Variants in AKAP13 observed in about 807,000 individuals in gnomAD.
The protein encoded by AKAP13 is A-kinase anchor protein 13.
Under a neutral mutation model 264.5 loss-of-function variants are expected in AKAP13, and 80 were observed. That is an observed-to-expected ratio of 0.30 (90% confidence interval 0.25 to 0.36). AKAP13 has a LOEUF of 0.36. Among genes scored for constraint, AKAP13 ranks in the 10% least tolerant of loss-of-function variants. AKAP13 has a pLI of 1.00. For synonymous variants in AKAP13, 1,380 were observed against 1,250.2 expected, an observed-to-expected ratio of 1.10 and a Z score of -2.19; for missense variants, 3,712 against 3,435.2, an observed-to-expected ratio of 1.08 and a Z score of -2.01.
intron 2 of AKAP13, among the ~76,000 whole-genome samples, chr15:85,510,102 A>G (rs2076370332): frequency 6.6e-6 from 1 of 152,158 alleles, no homozygotes; most frequent in Admixed American, 6.6e-5. Flanking sequence ...TTCTCTTACT[A>G]TGCTTTTGAT....
intron 8 of AKAP13, among the ~76,000 whole-genome samples, chr15:85,612,560 C>G (rs995043652): frequency 6.6e-6 from 1 of 152,092 alleles, no homozygotes; most frequent in Non-Finnish European, 1.5e-5. Context: ...GTGGCTCACA[C>G]CTGTAAATCC....
rs1378232088 is a variant in AKAP13 at position 85,718,815 on chromosome 15, G to A, written c.6002-261G>A. On this transcript the variant is annotated intron_variant, in intron 22 of 36. Coordinates refer to ENST00000394518, the MANE Select transcript of AKAP13 (RefSeq NM_007200.5). The surrounding 1 kb of genome is among the most constrained non-coding windows in gnomAD (Gnocchi z 4.9). ...CTCGAGAGGCTAAAGCAGAAAGATCGCTTGAGCCCAGGAGGTTGAGGCTGC... is the reference window on the plus strand; with the variant it reads ...CTCGAGAGGCTAAAGCAGAAAGATCACTTGAGCCCAGGAGGTTGAGGCTGC... 7.3e-6 allele frequency: 3 copies of A among 412,120 alleles called. No homozygotes were observed. The highest frequency in any genetic ancestry group is 5.0e-5 in the East Asian group (1 of 19,952). 25.5% of individuals were successfully genotyped at this position (412,120 alleles called of 1,614,324 possible). A position where few individuals can be genotyped will look rare whatever the true frequency, so the allele number is the denominator to read the frequency against.
chr15:85,717,547 G>C (rs753775947), intron 21 of AKAP13, 145 bp downstream of exon 21: 5 of 661,358 alleles, frequency 7.6e-6, no homozygotes, highest in Non-Finnish European at 1.3e-5. Flanking sequence ...AAAGTGTCCA[G>C]TGCTTTGTCA....
At chr15:85,670,033 A>G (rs1002966078) in intron 14 of AKAP13, among the ~76,000 whole-genome samples, 3 of 152,158 alleles carry the variant, frequency 2.0e-5, no homozygotes, top group Non-Finnish European at 4.4e-5. Context: ...AATATCCCTA[A>G]TACATTAAGT....
At chr15:85,675,889 T>C (rs189411140) in intron 14 of AKAP13, among the ~76,000 whole-genome samples, 27 of 151,992 alleles carry the variant, frequency 1.8e-4, no homozygotes, top group Admixed American at 1.7e-3. Context: ...TGAGAATGTA[T>C]TGGGAGGAGA....
chr15:85,654,424 A>G (rs965176348), intron 10 of AKAP13, among the ~76,000 whole-genome samples: 6 of 152,210 alleles, frequency 3.9e-5, no homozygotes, highest in Non-Finnish European at 5.9e-5. Context: ...CTAACACATG[A>G]TAAATTTTGT....
chr15:85,498,199 G>GATATATACATATATATATATATATATAT (rs2075933230), intron 2 of AKAP13, among the ~76,000 whole-genome samples: 1 of 133,010 alleles, frequency 7.5e-6, no homozygotes, highest in African/African-American at 2.9e-5. Context: ...AATGAAGTGA[G>GATATATACATATATATATATATATATAT]ATATATATAT....
At chr15:85,650,064 T>C (rs79041622) in intron 10 of AKAP13, among the ~76,000 whole-genome samples, 2,981 of 152,288 alleles carry the variant, frequency 0.02, 98 homozygotes, top group African/African-American at 0.068. Flanking sequence ...TCATGTGTTG[T>C]AGTTTTTCTC....
chr15:85,729,796 C>A (rs978544644), intron 29 of AKAP13, among the ~76,000 whole-genome samples: 1 of 151,962 alleles, frequency 6.6e-6, no homozygotes, highest in African/African-American at 2.4e-5. Context: ...ATTAGCCAGG[C>A]GTGGTGGCAC....
intron 21 of AKAP13, 44 bp downstream of exon 21, chr15:85,717,446 T>C: frequency 7.7e-7 from 1 of 1,294,584 alleles, no homozygotes; most frequent in South Asian, 1.2e-5. Flanking sequence ...CTGTAGGGAC[T>C]GTGTGTGTGT....
intron 8 of AKAP13, among the ~76,000 whole-genome samples, chr15:85,632,966 A>G (rs191030497): frequency 2.0e-5 from 3 of 152,210 alleles, no homozygotes; most frequent in Non-Finnish European, 4.4e-5. Flanking sequence ...CCATGGTTCA[A>G]GCGATTCTCC....
rs182410609 is a variant in AKAP13 at position 85,552,425 on chromosome 15, A to G, written c.662+8470A>G. On this transcript the variant is annotated intron_variant, in intron 5 of 36. Coordinates refer to ENST00000394518, the MANE Select transcript of AKAP13 (RefSeq NM_007200.5). ...TGCTGAAATTGGTTATCATTGTATAATAATCATTTTGACAAGGTTTTGTTT... is the reference window on the plus strand; with the variant it reads ...TGCTGAAATTGGTTATCATTGTATAGTAATCATTTTGACAAGGTTTTGTTT... Among the ~76,000 whole-genome samples the G allele has an allele frequency of 5.3e-5, 8 of 152,356 alleles. No homozygotes were observed. The East Asian group carries it at 1.5e-3, about 29-fold the overall frequency.
At chr15:85,463,369 C>T (rs1596260729) in intron 1 of AKAP13, among the ~76,000 whole-genome samples, 3 of 152,144 alleles carry the variant, frequency 2.0e-5, no homozygotes, top group African/African-American at 7.2e-5. Flanking sequence ...TCACATTGAG[C>T]CTAAGAATAA....
At chr15:85,489,188 A>C (rs967724397) in intron 2 of AKAP13, among the ~76,000 whole-genome samples, 1 of 152,236 alleles carries the variant, frequency 6.6e-6, no homozygotes, top group African/African-American at 2.4e-5. Flanking sequence ...TTCTGGACTT[A>C]AGTCATAGAA....
chr15:85,737,977 G>A (rs1435317143), intron 33 of AKAP13, among the ~76,000 whole-genome samples: 4 of 152,040 alleles, frequency 2.6e-5, no homozygotes, highest in African/African-American at 9.7e-5. Context: ...TCTATATTTA[G>A]TTACAAGAAT....
At chr15:85,731,021 T>G (rs1235288464) in intron 30 of AKAP13, among the ~76,000 whole-genome samples, 4 of 130,114 alleles carry the variant, frequency 3.1e-5, no homozygotes, top group African/African-American at 1.1e-4. Context: ...TTTTTTTTTT[T>G]GGCAGGATCT....
Position 85,521,434 on chromosome 15 carries a change from T to C in AKAP13, c.40T>C (p.Cys14Arg), listed in dbSNP as rs765869989. The C allele has an allele frequency of 5.0e-6, 8 of 1,613,896 alleles. No homozygotes were observed. The Admixed American group carries it at 6.7e-5, about 13-fold the overall frequency. ...NPQQAPLYGDCVVTVLLAEED... is the reference protein window; with the variant it reads ...NPQQAPLYGDRVVTVLLAEED... ...ATATTGTTTCCTTTCCTAGGGTGAT[T>C]GTGTTGTTACAGTGCTGCTTGCTGA... Residue 14 changes from cysteine (C) to arginine (R), a missense_variant, in exon 3 of 37, where the codon TGT becomes CGT. Cys to Arg is a radical substitution (Grantham distance 180). Coordinates refer to ENST00000394518, the MANE Select transcript of AKAP13 (RefSeq NM_007200.5).
At position 85,743,771 on chromosome 15, in the gene AKAP13, A is replaced by T. The variant is rs1439999906; in HGVS notation, c.8338A>T (p.Lys2780Ter). The stretch of plus-strand genomic sequence containing the variant: ...CCGCCTGTTTGGGTTAACAAAGCCA[A>T]AGGAAAAGAAGGAGAAAAAAAAGAA... ...STRLFGLTKP[K>*]EKKEKKKKNK... is the part of the protein sequence containing the mutation. Residue 2780 changes from lysine (K) to a stop codon, truncating the protein, a stop_gained, in exon 36 of 37, where the codon AAG becomes TAG. Transcript: ENST00000394518. LOFTEE classifies it high-confidence loss of function. The T allele has an allele frequency of 6.2e-7, 1 of 1,612,886 alleles. No individual in the cohort carries two copies. The highest frequency in any genetic ancestry group is 8.5e-7 in the Non-Finnish European group (1 of 1,179,614).
rs978016741 is a variant in AKAP13 at position 85,682,050 on chromosome 15, T to G, written c.5102-108T>G. 4.8e-6 allele frequency: 5 copies of G among 1,037,280 alleles called. No homozygotes were observed. In the African/African-American group the frequency reaches 7.9e-5, roughly 16 times the overall value. The allele number at this position is 1,037,280 out of a possible 1,614,324, so 64.3% of individuals were successfully genotyped here. A position where few individuals can be genotyped will look rare whatever the true frequency, so the allele number is the denominator to read the frequency against. ...AGGAGGAGGTACCATGTGCTGACTTTCACACGCTGTTTTTGCTTTAGCTGT... is the reference window on the plus strand; with the variant it reads ...AGGAGGAGGTACCATGTGCTGACTTGCACACGCTGTTTTTGCTTTAGCTGT... On this transcript the variant is annotated intron_variant, in intron 14 of 36. Coordinates refer to ENST00000394518, the MANE Select transcript of AKAP13 (RefSeq NM_007200.5).
Sources: gnomAD v4.1 joint callset for allele counts (sites outside exome capture counted in the v4.1 genomes callset) on GRCh38, gnomAD v4.1.1 for gene constraint, Gnocchi (gnomAD v3.1) non-coding constraint, MANE v1.5 for transcripts, NCBI Gene and HGNC (gene_info 2026-07-23, HGNC 2026-07-21) for gene names.